The following GEN1 variants were observed in gnomAD, a reference collection of about 807,000 sequenced individuals.
GEN1 encodes the protein flap endonuclease GEN homolog 1.
A neutral mutation model predicts 67.6 loss-of-function variants in GEN1; 64 were observed. That is an observed-to-expected ratio of 0.95 (90% CI 0.77 to 1.17). GEN1 has a LOEUF of 1.17. Ranked by LOEUF, GEN1 falls within the 50% of genes most tolerant of loss-of-function variation. The pLI, the probability that GEN1 is intolerant of heterozygous loss-of-function variation, is 0.00. For missense variants in GEN1, 1,058 were observed against 1,048.3 expected, an observed-to-expected ratio of 1.01 and a Z score of -0.13; for synonymous variants, 371 against 359.4, an observed-to-expected ratio of 1.03 and a Z score of -0.37.
chr2:17,769,990 C>G (rs1176927565), intron 6 of GEN1, among the ~76,000 whole-genome samples: 4 of 152,090 alleles, frequency 2.6e-5, no homozygotes, highest in African/African-American at 9.7e-5. Context: ...TCCTATGATA[C>G]TTCTCTTTTA....
At position 17,781,611 on chromosome 2, in the gene GEN1, A is replaced by G. The variant is rs754999666; in HGVS notation, c.2399A>G (p.His800Arg). 6.2e-7 allele frequency: 1 copy of G among 1,614,052 alleles called. No individual in the cohort carries two copies. Among genetic ancestry groups the G allele is most frequent in the East Asian group, 2.2e-5 (1 of 44,864 alleles). The change falls in exon 14 of 14, where the codon CAT becomes CGT. Residue 800 changes from histidine (H) to arginine (R), a missense_variant. Physicochemically the swap from His to Arg is conservative, Grantham distance 29 (BLOSUM62 0). Transcript: ENST00000381254. ...LMKKSVCLDR[H>R]SSDEQSAPVF... is the part of the protein sequence containing the mutation. ...AAGAAGAGTGTTTGCCTTGACAGAC[A>G]TTCCTCTGATGAACAAAGTGCCCCA...
At chr2:17,756,822 T>C (rs957276353) in intron 1 of GEN1, among the ~76,000 whole-genome samples, 1 of 152,220 alleles carries the variant, frequency 6.6e-6, no homozygotes, top group African/African-American at 2.4e-5. Flanking sequence ...TGTTCTATCT[T>C]TCAGTGTAGT....
intron 5 of GEN1, among the ~76,000 whole-genome samples, chr2:17,767,203 T>TTA (rs1671974262): frequency 6.6e-6 from 1 of 152,232 alleles, no homozygotes; most frequent in Non-Finnish European, 1.5e-5. Flanking sequence ...ATGCACAATC[T>TTA]AGTGCTCTGT....
Position 17,781,025 on chromosome 2 carries a change from A to G in GEN1, c.1813A>G (p.Thr605Ala). The part of the protein sequence containing the change: ...FSNSPAIQRN[T>A]FSHDLKSEVE... ...TAATTCTCCAGCTATTCAAAGGAAT[A>G]CTTTTTCTCATGATTTAAAATCAGA... Residue 605 changes from threonine to alanine, a missense_variant, in exon 14 of 14, where the codon ACT becomes GCT. By Grantham distance (58) the Thr-to-Ala change is moderately conservative. Coordinates refer to ENST00000381254, the MANE Select transcript of GEN1 (RefSeq NM_001130009.3). 6 of 1,613,878 alleles carry G rather than the reference A, an allele frequency of 3.7e-6. No individual in the cohort carries two copies. The highest frequency in any genetic ancestry group is 1.1e-5 in the South Asian group (1 of 91,068).
Position 17,760,022 on chromosome 2 carries a change from A to G in GEN1, c.79A>G (p.Ile27Val). The change falls in exon 2 of 14, where the codon ATT (isoleucine) becomes GTT (valine). Residue 27 changes from isoleucine (I) to valine (V), a missense_variant. Ile to Val is a conservative substitution (Grantham distance 29). Coordinates refer to ENST00000381254, the MANE Select transcript of GEN1 (RefSeq NM_001130009.3). ...IPLRNLGGKTIAVDLSLWVCE... is the reference protein window; with the variant it reads ...IPLRNLGGKTVAVDLSLWVCE... Reference sequence around the variant, plus strand: ...CTTGCGTAATCTTGGTGGGAAAACCATTGCAGTTGATCTGAGTCTCTGGGT... The same window carrying G: ...CTTGCGTAATCTTGGTGGGAAAACCGTTGCAGTTGATCTGAGTCTCTGGGT... The G allele has an allele frequency of 6.2e-7, 1 of 1,614,170 alleles. No individual in the cohort carries two copies. The highest frequency in any genetic ancestry group is 1.3e-5 in the African/African-American group (1 of 75,038).
chr2:17,764,976 A>G lies in GEN1; in HGVS notation c.428A>G (p.Asn143Ser), dbSNP rs16981869. ...GEAEAMCAYL[N>S]AGGHVDGCLT... The stretch of plus-strand genomic sequence containing the variant: ...GCTGAAGCCATGTGTGCTTATCTCA[A>G]TGCTGGTGGTCATGTCGATGGCTGC... The change falls in exon 4 of 14, where the codon AAT (asparagine) becomes AGT (serine). Residue 143 changes from asparagine (N) to serine (S), a missense_variant. By Grantham distance (46) the Asn-to-Ser change is conservative. Coordinates refer to ENST00000381254, the MANE Select transcript of GEN1 (RefSeq NM_001130009.3). 0.11 allele frequency: 169,918 copies of G among 1,613,922 alleles called. 9,839 individuals carry two copies. The highest frequency in any genetic ancestry group is 0.24 in the African/African-American group (17,801 of 74,962).
intron 1 of GEN1, among the ~76,000 whole-genome samples, chr2:17,759,256 G>A (rs957721463): frequency 6.6e-6 from 1 of 152,158 alleles, no homozygotes; most frequent in African/African-American, 2.4e-5. Context: ...TGTATAATAA[G>A]GAAAAGCTGG....
rs779266008 is a variant in GEN1 at position 17,781,791 on chromosome 2, C to T, written c.2579C>T (p.Ala860Val). The change falls in exon 14 of 14, where the codon GCT becomes GTT. Residue 860 changes from alanine to valine, a missense_variant. Transcript: ENST00000381254. ...CAGTGTGTCAGATCTTATGAAACAG[C>T]TGAAAATGAAGAAAGCTGTTTCCCA... ...TEQCVRSYET[A>V]ENEESCFPDS... The T allele has an allele frequency of 1.9e-6, 3 of 1,612,476 alleles. No homozygotes were observed. Among genetic ancestry groups the T allele is most frequent in the African/African-American group, 1.3e-5 (1 of 74,774 alleles).
At position 17,786,071 on chromosome 2, in the gene GEN1, T is replaced by TAG. The variant is rs886601827; in HGVS notation, c.*4132_*4133insAG. ...GTGACCCTGGAGACATTTTCTAACT[T>TAG]TTCTGAGACTCATTTATTCAAATGT... On this transcript the variant is annotated 3_prime_UTR_variant, in exon 14 of 14. Transcript: ENST00000381254. 3.9e-5 allele frequency: 6 copies of TAG among 152,170 alleles called. No homozygotes were observed. The highest frequency in any genetic ancestry group is 1.4e-4 in the African/African-American group (6 of 41,438). 9.4% of individuals were successfully genotyped at this position (152,170 alleles called of 1,614,324 possible). A position where few individuals can be genotyped will look rare whatever the true frequency, so the allele number is the denominator to read the frequency against.
chr2:17,778,452 G>A lies in GEN1; in HGVS notation c.1264+389G>A, dbSNP rs201259118. Among the ~76,000 whole-genome samples, 105 of 42,732 alleles carry A rather than the reference G, an allele frequency of 2.5e-3. 22 individuals are homozygous for A. Among genetic ancestry groups the A allele is most frequent in the African/African-American group, 2.5e-3 (41 of 16,670 alleles). 28.0% of individuals were successfully genotyped at this position (42,732 alleles called of 152,430 possible). A position where few individuals can be genotyped will look rare whatever the true frequency, so the allele number is the denominator to read the frequency against. On this transcript the variant is annotated intron_variant, in intron 12 of 13. Transcript: ENST00000381254. ...TATGTATATACACACACATATATGT[G>A]TGTACATATATGTATATACACACAC...
intron 3 of GEN1, among the ~76,000 whole-genome samples, chr2:17,762,098 A>G (rs1160275744): frequency 6.6e-6 from 1 of 151,410 alleles, no homozygotes; most frequent in African/African-American, 2.4e-5. Context: ...TGTTACTTTA[A>G]TATTGCTATA....
At chr2:17,769,289 G>C (rs1239747936) in intron 6 of GEN1, among the ~76,000 whole-genome samples, 1 of 150,848 alleles carries the variant, frequency 6.6e-6, no homozygotes, top group Non-Finnish European at 1.5e-5. Context: ...TGTTGCCCAG[G>C]TTGGTCTTGA....
intron 12 of GEN1, among the ~76,000 whole-genome samples, chr2:17,778,288 ACATG>A (rs1297773864): frequency 3.4e-5 from 4 of 117,276 alleles, no homozygotes; most frequent in African/African-American, 1.0e-4. Context: ...ATATACACAC[ACATG>A]TGTGTGTACA....
At chr2:17,775,811 A>G (rs1396332351) in intron 11 of GEN1, among the ~76,000 whole-genome samples, 1 of 152,228 alleles carries the variant, frequency 6.6e-6, no homozygotes, top group Non-Finnish European at 1.5e-5. Context: ...TGAGAAAGAT[A>G]CTACATTATC....
intron 3 of GEN1, 87 bp downstream of exon 3, chr2:17,761,669 T>A: frequency 1.1e-6 from 1 of 881,852 alleles, no homozygotes; most frequent in Non-Finnish European, 1.7e-6. Flanking sequence ...TAATACTTAT[T>A]AATTTTATTG....
intron 7 of GEN1, among the ~76,000 whole-genome samples, 176 bp downstream of exon 7, chr2:17,771,463 A>G (rs1434464977): frequency 6.6e-6 from 1 of 152,190 alleles, no homozygotes; most frequent in Non-Finnish European, 1.5e-5. Context: ...GTAGTCACTC[A>G]GTAAATGTTT....
At position 17,769,247 on chromosome 2, in the gene GEN1, AT is replaced by A. The variant is rs890168114; in HGVS notation, c.710+447del. On this transcript the variant is annotated intron_variant, in intron 6 of 13. Transcript: ENST00000381254. ...AAACATGTTAATATATTAATTTTTA[AT>A]TTTTTTTTTTGTAGAGATAGGGTCT... Among the ~76,000 whole-genome samples the A allele has an allele frequency of 7.6e-4, 112 of 146,602 alleles. 1 individual carries two copies. Among genetic ancestry groups the A allele is most frequent in the African/African-American group, 2.1e-3 (86 of 40,254 alleles).
At position 17,781,667 on chromosome 2, in the gene GEN1, A is replaced by G; in HGVS notation, c.2455A>G (p.Arg819Gly). ...TGGGAAAGCTAAGTACACAACTCAA[A>G]GAATGAAGCACAGTTCTCAAAAGCA... ...VFGKAKYTTQ[R>G]MKHSSQKHNS... Residue 819 changes from arginine to glycine, a missense_variant, in exon 14 of 14, where the codon AGA becomes GGA. Physicochemically the swap from Arg to Gly is moderately radical, Grantham distance 125 (BLOSUM62 -2). Transcript: ENST00000381254. The G allele has an allele frequency of 6.2e-7, 1 of 1,614,074 alleles. No homozygotes were observed. Among genetic ancestry groups the G allele is most frequent in the Non-Finnish European group, 8.5e-7 (1 of 1,179,956 alleles).
chr2:17,776,029 T>C (rs1195937226), intron 11 of GEN1, among the ~76,000 whole-genome samples: 1 of 150,630 alleles, frequency 6.6e-6, no homozygotes, highest in Non-Finnish European at 1.5e-5. Flanking sequence ...GTTGGGAGGA[T>C]TGCTTGAGCC....
Sources: allele counts gnomAD v4.1 joint callset (sites outside exome capture counted in the v4.1 genomes callset), GRCh38; gene constraint gnomAD v4.1.1; transcripts MANE v1.5; gene names NCBI Gene and HGNC (gene_info 2026-07-23, HGNC 2026-07-21).